The following PALM variants were observed in gnomAD, a reference collection of about 807,000 sequenced individuals.
PALM encodes the protein paralemmin, also known as paralemmin-1.
In PALM, 18 loss-of-function variants were observed where a neutral mutation model predicts 30.7. That is an observed-to-expected ratio of 0.59 (90% CI 0.41 to 0.87). The LOEUF (loss-of-function observed/expected upper bound fraction) is 0.87, where lower values mean the gene tolerates loss of function less well. PALM is among the 40% of genes least tolerant of loss of function. The pLI is 0.00. For missense variants in PALM, 529 were observed against 555.4 expected, an observed-to-expected ratio of 0.95 and a Z score of 0.48; for synonymous variants, 286 against 242.8, an observed-to-expected ratio of 1.18 and a Z score of -1.66.
In PALM at chr19:746,946, C is replaced by T. The variant is rs1432369067; in HGVS notation, c.*132C>T. On this transcript the variant is annotated 3_prime_UTR_variant, in exon 9 of 9. Transcript: ENST00000338448. The surrounding 1 kb of genome is among the most constrained non-coding windows in gnomAD (Gnocchi z 7.1). The stretch of plus-strand genomic sequence containing the variant: ...TTGGCGTGTTGTTACATGTTCCTTC[C>T]GAGTTTTCTTTCGCTGGAAAGAGGG... 3.6e-5 allele frequency: 23 copies of T among 636,466 alleles called. No individual in the cohort carries two copies. Among genetic ancestry groups the T allele is most frequent in the Middle Eastern group, 4.3e-4 (1 of 2,330 alleles). 39.4% of individuals were successfully genotyped at this position (636,466 alleles called of 1,614,324 possible). A position where few individuals can be genotyped will look rare whatever the true frequency, so the allele number is the denominator to read the frequency against.
intron 1 of PALM, among the ~76,000 whole-genome samples, chr19:723,691 A>G (rs2032570483): frequency 6.6e-6 from 1 of 152,080 alleles, no homozygotes; most frequent in Non-Finnish European, 1.5e-5. Context: ...CCTGGGTTCA[A>G]TCAATTCTCC....
chr19:719,724 C>A, intron 1 of PALM: 1 of 720,064 alleles, frequency 1.4e-6, no homozygotes, highest in Non-Finnish European at 1.7e-6. Flanking sequence ...CTGGTCCCAG[C>A]CTCGCCGATC....
At chr19:740,307 C>T (rs758914969) in intron 7 of PALM, 45 bp from the exon 8 acceptor site, 28 of 1,511,266 alleles carry the variant, frequency 1.9e-5, no homozygotes, top group African/African-American at 4.2e-5. Flanking sequence ...CGGGGGGGTG[C>T]GGGGGCGGGC....
intron 8 of PALM, among the ~76,000 whole-genome samples, chr19:744,066 A>G (rs2033265858): frequency 6.6e-6 from 1 of 152,228 alleles, no homozygotes; most frequent in South Asian, 2.1e-4. Context: ...TTCCTGTGGC[A>G]ATCAATCAAA....
intron 1 of PALM, among the ~76,000 whole-genome samples, chr19:721,779 G>C (rs948849335): frequency 6.6e-6 from 1 of 151,374 alleles, no homozygotes; most frequent in East Asian, 1.9e-4. Flanking sequence ...TGTATTTTTA[G>C]TAGAGATGGG....
intron 1 of PALM, among the ~76,000 whole-genome samples, chr19:714,959 A>C (rs1342363292): frequency 6.6e-6 from 1 of 152,064 alleles, no homozygotes; most frequent in Non-Finnish European, 1.5e-5. Context: ...ACCCAGCCTG[A>C]TGTTCTTTAA....
chr19:745,964 A>G, intron 8 of PALM, among the ~76,000 whole-genome samples: 1 of 152,186 alleles, frequency 6.6e-6, no homozygotes, highest in Admixed American at 6.5e-5. Flanking sequence ...AGGCTGAGGC[A>G]GGAGAATCGC....
intron 1 of PALM, among the ~76,000 whole-genome samples, chr19:720,179 C>G (rs1233343218): frequency 6.6e-6 from 1 of 151,802 alleles, no homozygotes; most frequent in Non-Finnish European, 1.5e-5. Flanking sequence ...AAGCACAGGC[C>G]GGGGGCGGGA....
intron 1 of PALM, among the ~76,000 whole-genome samples, chr19:712,530 C>T (rs2032112760): frequency 6.6e-6 from 1 of 150,836 alleles, no homozygotes; most frequent in Non-Finnish European, 1.5e-5. Context: ...ACTGCAGGCG[C>T]CCACCATCAC....
chr19:719,859 A>C (rs2238558), intron 1 of PALM, among the ~76,000 whole-genome samples: 8,790 of 151,524 alleles, frequency 0.058, 399 homozygotes, highest in East Asian at 0.19. Flanking sequence ...CGGCCGCAGG[A>C]GGGAGCGAGC....
Position 733,295 on chromosome 19 carries a change from G to T in PALM, c.421-878G>T, listed in dbSNP as rs375525344. On this transcript the variant is annotated intron_variant, in intron 5 of 8. Transcript: ENST00000338448. ...TTTCCCTGAAGGTTGTTTGAGCATG[G>T]ACTAGTGCTGTCATGGGAGACTCAG... Among the ~76,000 whole-genome samples, 4 of 152,326 alleles carry T rather than the reference G, an allele frequency of 2.6e-5. No homozygotes were observed. The East Asian group carries it at 7.7e-4, about 29-fold the overall frequency.
chr19:729,935 CT>C lies in PALM; in HGVS notation c.270-1159del, dbSNP rs1254515247. 2.6e-5 allele frequency among the ~76,000 whole-genome samples: 4 copies of C among 152,314 alleles called. No homozygotes were observed. The East Asian group carries it at 7.7e-4, about 29-fold the overall frequency. On this transcript the variant is annotated intron_variant, in intron 4 of 8. Coordinates refer to ENST00000338448, the MANE Select transcript of PALM (RefSeq NM_002579.3). ...TTACTGGCCGTGGGGGCTGGGCACA[CT>C]GGTGTTCTTTTCACGCGGCCCTAGT...
chr19:740,272 C>A lies in PALM; in HGVS notation c.503-80C>A, dbSNP rs7245884. On this transcript the variant is annotated intron_variant, in intron 7 of 8. Transcript: ENST00000338448. ...CTTGGCTCTGCGCTGCTGGCTCCCC[C>A]CTCCCTGGCTTGGCCGCAGCCCGGC... 254 of 1,406,430 alleles carry A rather than the reference C, an allele frequency of 1.8e-4. 1 individual carries two copies. In the East Asian group the frequency reaches 4.3e-3, roughly 24 times the overall value. The allele number at this position is 1,406,430 out of a possible 1,614,324, so 87.1% of individuals were successfully genotyped here.
chr19:743,448 GAC>G (rs1239640934), intron 8 of PALM, among the ~76,000 whole-genome samples: 1 of 152,202 alleles, frequency 6.6e-6, no homozygotes, highest in Non-Finnish European at 1.5e-5. Context: ...CGGCCAGTGG[GAC>G]ACACTGAGTT....
At chr19:712,661 G>A (rs543945652) in intron 1 of PALM, among the ~76,000 whole-genome samples, 164 of 150,880 alleles carry the variant, frequency 1.1e-3, no homozygotes, top group African/African-American at 3.5e-3. Context: ...GGGATTACAG[G>A]TGTGAGCCGC....
chr19:730,975 T>C, intron 4 of PALM, 120 bp from the exon 5 acceptor site: 2 of 664,274 alleles, frequency 3.0e-6, no homozygotes, highest in Non-Finnish European at 5.1e-6. Flanking sequence ...CACTCCAGCC[T>C]GGGCAACAAG....
At chr19:728,691 C>A (rs1599151717) in intron 4 of PALM, among the ~76,000 whole-genome samples, 1 of 152,120 alleles carries the variant, frequency 6.6e-6, no homozygotes, top group South Asian at 2.1e-4. Context: ...AGCCTGTAAT[C>A]CCAGCTACTC....
At chr19:719,193 C>G in intron 1 of PALM, 2 of 985,468 alleles carry the variant, frequency 2.0e-6, no homozygotes, top group Non-Finnish European at 2.4e-6. Flanking sequence ...GCGACGCCCC[C>G]ATCCCACACA....
At chr19:723,704 C>G (rs1460102368) in intron 1 of PALM, among the ~76,000 whole-genome samples, 2 of 152,154 alleles carry the variant, frequency 1.3e-5, no homozygotes, top group Non-Finnish European at 2.9e-5. Context: ...AATTCTCCTG[C>G]CTCAGCTCCT....
Sources: gnomAD v4.1 joint callset for allele counts (sites outside exome capture counted in the v4.1 genomes callset) on GRCh38, gnomAD v4.1.1 for gene constraint, Gnocchi (gnomAD v3.1) non-coding constraint, MANE v1.5 for transcripts, NCBI Gene and HGNC (gene_info 2026-07-23, HGNC 2026-07-21) for gene names.